Variants in CCSER2 observed in about 807,000 individuals in gnomAD.
CCSER2 encodes the protein coiled-coil serine rich protein 2.
CCSER2 carries 46 observed loss-of-function variants against 92.3 expected under a neutral mutation model. The observed-to-expected ratio is 0.50, with a 90% CI of 0.39 to 0.64. The LOEUF (loss-of-function observed/expected upper bound fraction) is 0.64, where lower values mean the gene tolerates loss of function less well. Among genes scored for constraint, CCSER2 ranks in the 30% least tolerant of loss-of-function variants. CCSER2 has a pLI of 0.00. For synonymous variants in CCSER2, 433 were observed against 431.4 expected, an observed-to-expected ratio of 1.00 and a Z score of -0.04; for missense variants, 1,244 against 1,238.9, an observed-to-expected ratio of 1.00 and a Z score of -0.06.
chr10:84,405,320 A>G (rs904449733), intron 3 of CCSER2, among the ~76,000 whole-genome samples: 2 of 152,216 alleles, frequency 1.3e-5, no homozygotes, highest in African/African-American at 4.8e-5. Flanking sequence ...TTATTCAGAA[A>G]TTATTCCAAA....
chr10:84,390,780 C>T (rs1841477441), intron 3 of CCSER2: 1 of 448,924 alleles, frequency 2.2e-6, no homozygotes, highest in African/African-American at 2.0e-5. Flanking sequence ...GCTCTGAAAC[C>T]TCTATACTAT....
At chr10:84,347,763 G>T (rs1209300864) in intron 1 of CCSER2, among the ~76,000 whole-genome samples, 7 of 149,914 alleles carry the variant, frequency 4.7e-5, no homozygotes, top group Non-Finnish European at 8.9e-5. Flanking sequence ...GGGCGGAGGG[G>T]CTCCTTCTCA....
chr10:84,390,950 A>G (rs2133258127), intron 3 of CCSER2: 4 of 761,580 alleles, frequency 5.3e-6, no homozygotes, highest in Middle Eastern at 2.3e-4. Context: ...CACTTTGCTT[A>G]TATACTTGAT....
At chr10:84,506,825 A>AAATAAATAAATC (rs1296422260) in intron 9 of CCSER2, among the ~76,000 whole-genome samples, 2 of 151,880 alleles carry the variant, frequency 1.3e-5, no homozygotes, top group African/African-American at 4.8e-5. Context: ...ATAAATAAAT[A>AAATAAATAAATC]AATCTAACAC....
chr10:84,458,508 G>A (rs956706155), intron 6 of CCSER2, among the ~76,000 whole-genome samples: 4 of 152,092 alleles, frequency 2.6e-5, no homozygotes, highest in Non-Finnish European at 5.9e-5. Context: ...GACTATTTTA[G>A]TTCTTTTGCC....
At chr10:84,440,348 C>G (rs779740395) in intron 6 of CCSER2, among the ~76,000 whole-genome samples, 1 of 151,848 alleles carries the variant, frequency 6.6e-6, no homozygotes, top group African/African-American at 2.4e-5. Context: ...TTAAAGTTTC[C>G]CAAATGCTAA....
chr10:84,417,318 G>A (rs1842935766), intron 3 of CCSER2, among the ~76,000 whole-genome samples: 1 of 152,150 alleles, frequency 6.6e-6, no homozygotes, highest in Admixed American at 6.5e-5. Context: ...ACAGGAGATG[G>A]GTTTGGCACA....
In CCSER2 at chr10:84,514,085, T is replaced by A; in HGVS notation, c.2962T>A (p.Phe988Ile). 6.5e-7 allele frequency: 1 copy of A among 1,536,148 alleles called. No homozygotes were observed. The highest frequency in any genetic ancestry group is 8.7e-7 in the Non-Finnish European group (1 of 1,146,924). The stretch of plus-strand genomic sequence containing the variant: ...TAAGCTCCGCCCCCCCTCAGGCTCT[T>A]TCAAACAAAAACAAACAAACAGCCC... The part of the protein sequence containing the change: ...ASKLRPPSGS[F>I]KQKQTNSPQL... Residue 988 changes from phenylalanine to isoleucine, a missense_variant, in exon 10 of 10, where the codon TTC becomes ATC. By Grantham distance (21) the Phe-to-Ile change is conservative. Transcript: ENST00000372088.
intron 3 of CCSER2, chr10:84,391,971 G>A (rs1204869556): frequency 2.2e-5 from 30 of 1,340,798 alleles, no homozygotes; most frequent in Non-Finnish European, 2.9e-5. Context: ...TCAAGTAGGC[G>A]ATAAAAATTG....
At chr10:84,445,242 C>T (rs1056018157) in intron 6 of CCSER2, among the ~76,000 whole-genome samples, 2 of 152,158 alleles carry the variant, frequency 1.3e-5, no homozygotes, top group Non-Finnish European at 2.9e-5. Context: ...CAAGCTCCGC[C>T]TCCTGGGCTC....
At chr10:84,349,368 A>C (rs547584350) in intron 1 of CCSER2, among the ~76,000 whole-genome samples, 2 of 152,052 alleles carry the variant, frequency 1.3e-5, no homozygotes, top group African/African-American at 4.8e-5. Flanking sequence ...TCTCTCCCCT[A>C]TATATCTTGA....
intron 9 of CCSER2, among the ~76,000 whole-genome samples, chr10:84,512,943 G>C (rs1406212917): frequency 2.0e-5 from 3 of 152,160 alleles, no homozygotes; most frequent in African/African-American, 7.2e-5. Context: ...TGAGAATATA[G>C]TGATTTACTC....
intron 3 of CCSER2, among the ~76,000 whole-genome samples, chr10:84,380,447 G>A (rs1284980915): frequency 2.6e-5 from 4 of 151,846 alleles, no homozygotes; most frequent in East Asian, 1.9e-4. Context: ...TCTTTTTACC[G>A]TTCATAGTTT....
intron 1 of CCSER2, among the ~76,000 whole-genome samples, chr10:84,367,168 C>T (rs1016601289): frequency 2.6e-5 from 4 of 151,874 alleles, no homozygotes; most frequent in East Asian, 1.9e-4. Flanking sequence ...AAATAGGATA[C>T]GTATTTGCAT....
intron 6 of CCSER2, among the ~76,000 whole-genome samples, chr10:84,458,487 C>T (rs1845906812): frequency 6.6e-6 from 1 of 152,108 alleles, no homozygotes; most frequent in Non-Finnish European, 1.5e-5. Flanking sequence ...TTTCTCTTTT[C>T]AGAATTGTTT....
intron 6 of CCSER2, among the ~76,000 whole-genome samples, chr10:84,457,866 G>A (rs1057139903): frequency 1.9e-4 from 29 of 150,708 alleles, no homozygotes; most frequent in Non-Finnish European, 1.8e-4. Context: ...CTCAGCCTCT[G>A]GAGTAGCTGG....
intron 1 of CCSER2, among the ~76,000 whole-genome samples, chr10:84,334,349 A>G (rs1029059780): frequency 1.3e-5 from 2 of 152,038 alleles, no homozygotes; most frequent in South Asian, 2.1e-4. Flanking sequence ...GATTCAGCCT[A>G]TTGAGATCAA....
intron 1 of CCSER2, among the ~76,000 whole-genome samples, chr10:84,345,015 G>A (rs928515933): frequency 6.6e-6 from 1 of 152,186 alleles, no homozygotes; most frequent in African/African-American, 2.4e-5. Flanking sequence ...ATCAGCTGCT[G>A]TTTTTAGGTA....
At chr10:84,504,440 G>T (rs895162830) in intron 9 of CCSER2, among the ~76,000 whole-genome samples, 14 of 152,078 alleles carry the variant, frequency 9.2e-5, no homozygotes, top group African/African-American at 3.4e-4. Flanking sequence ...CTTTTCCTCA[G>T]TTTAACCAAA....
Sources: allele counts gnomAD v4.1 joint callset (sites outside exome capture counted in the v4.1 genomes callset), GRCh38; gene constraint gnomAD v4.1.1; transcripts MANE v1.5; gene names NCBI Gene and HGNC (gene_info 2026-07-23, HGNC 2026-07-21).